Variants in MYO16 observed in about 807,000 individuals in gnomAD.
MYO16 encodes the protein unconventional myosin-XVI.
In MYO16, 94 loss-of-function variants were observed where a neutral mutation model predicts 205.3. That is an observed-to-expected ratio of 0.46 (90% CI 0.39 to 0.54). The LOEUF is 0.54. Ranked by LOEUF, MYO16 falls within the 20% of genes least tolerant of loss-of-function variation. The pLI is 0.00. For missense variants in MYO16, 2,315 were observed against 2,387.5 expected (o/e 0.97, Z 0.63); for synonymous variants, 988 against 954.0 (o/e 1.04, Z -0.66).
At position 108,811,180 on chromosome 13, in the gene MYO16, C is replaced by G. The variant is rs116139314; in HGVS notation, c.867+4376C>G. Among the ~76,000 whole-genome samples the G allele has an allele frequency of 4.5e-3, 678 of 152,192 alleles. 4 individuals carry two copies. Among genetic ancestry groups the G allele is most frequent in the African/African-American group, 0.016 (653 of 41,538 alleles). ...TCCCAAAGTATTTTGTATGACATAACTCATACATCTTAATGTTTAAAAACC... is the reference window on the plus strand; with the variant it reads ...TCCCAAAGTATTTTGTATGACATAAGTCATACATCTTAATGTTTAAAAACC... On this transcript the variant is annotated intron_variant, in intron 7 of 34. Coordinates refer to ENST00000457511, the MANE Select transcript of MYO16 (RefSeq NM_001198950.3).
At chr13:108,703,183 C>T (rs1231081742) in intron 2 of MYO16, among the ~76,000 whole-genome samples, 1 of 152,056 alleles carries the variant, frequency 6.6e-6, no homozygotes, top group African/African-American at 2.4e-5. Context: ...TAAGAGACAT[C>T]TATTGGATTC....
the MYO16 span, among the ~76,000 whole-genome samples, chr13:108,570,509 C>A: frequency 4.5e-4 from 68 of 152,316 alleles, no homozygotes; most frequent in East Asian, 0.013. Context: ...CTTTGCCTCT[C>A]AAAGTGCTGA....
intron 16 of MYO16, among the ~76,000 whole-genome samples, chr13:108,945,977 G>A (rs1882924283): frequency 6.6e-6 from 1 of 152,168 alleles, no homozygotes; most frequent in African/African-American, 2.4e-5. Flanking sequence ...CCAGACTTCT[G>A]AGCTGTGTAC....
chr13:108,593,011 A>G (rs2139287014), upstream of MYO16, among the ~76,000 whole-genome samples: 1 of 152,122 alleles, frequency 6.6e-6, no homozygotes, highest in Non-Finnish European at 1.5e-5. Flanking sequence ...ACGCCTCCCT[A>G]GTGTTCGTCC....
At chr13:108,810,565 T>A (rs182736144) in intron 7 of MYO16, among the ~76,000 whole-genome samples, 2 of 152,184 alleles carry the variant, frequency 1.3e-5, no homozygotes, top group African/African-American at 4.8e-5. Context: ...TTCTAAAAAA[T>A]TGTTCTCTCA....
chr13:109,174,310 T>G (rs922025756), intron 33 of MYO16, among the ~76,000 whole-genome samples: 1 of 152,114 alleles, frequency 6.6e-6, no homozygotes, highest in Non-Finnish European at 1.5e-5. Flanking sequence ...GGTTTGGAGT[T>G]TAGGCCAGGG....
rs191534062 is a variant in MYO16 at position 109,117,386 on chromosome 13, G to A, written c.3439-2984G>A. ...ATATGCAAATATATATAATATATGC[G>A]TGTGTATATATGTATATATATATGT... On this transcript the variant is annotated intron_variant, in intron 28 of 34. Coordinates refer to ENST00000457511, the MANE Select transcript of MYO16 (RefSeq NM_001198950.3). Among the ~76,000 whole-genome samples the A allele has an allele frequency of 3.4e-3, 495 of 147,048 alleles. 3 individuals are homozygous for A. The highest frequency in any genetic ancestry group is 3.9e-3 in the Non-Finnish European group (265 of 67,274).
At chr13:108,978,906 TCA>T (rs898006438) in intron 20 of MYO16, among the ~76,000 whole-genome samples, 2 of 151,998 alleles carry the variant, frequency 1.3e-5, no homozygotes, top group African/African-American at 2.4e-5. Context: ...CTTTTTTGAC[TCA>T]CATATATTTT....
At chr13:108,543,108 T>C in the MYO16 span, among the ~76,000 whole-genome samples, 13 of 152,230 alleles carry the variant, frequency 8.5e-5, no homozygotes, top group African/African-American at 2.9e-4. Context: ...ATATAACAAG[T>C]CTTTCGCTAA....
intron 22 of MYO16, among the ~76,000 whole-genome samples, chr13:109,011,902 T>G (rs552890573): frequency 1.1e-4 from 17 of 152,136 alleles, no homozygotes; most frequent in Non-Finnish European, 2.1e-4. Context: ...ATTAGCCAAA[T>G]AAATAACATT....
At chr13:109,188,695 C>T (rs1387235500) in intron 34 of MYO16, among the ~76,000 whole-genome samples, 4 of 152,166 alleles carry the variant, frequency 2.6e-5, no homozygotes, top group Non-Finnish European at 5.9e-5. Context: ...GGGAAGCCAA[C>T]AGTGCAGTCT....
intron 16 of MYO16, among the ~76,000 whole-genome samples, chr13:108,928,062 T>C (rs916024176): frequency 6.6e-6 from 1 of 152,236 alleles, no homozygotes; most frequent in Non-Finnish European, 1.5e-5. Flanking sequence ...TTGCTCTGCG[T>C]TTCACAGTCA....
chr13:108,510,338 C>T, the MYO16 span, among the ~76,000 whole-genome samples: 2 of 150,768 alleles, frequency 1.3e-5, no homozygotes. Flanking sequence ...AGGATGGTCT[C>T]GATCTCCTGA....
rs1211197360 is a variant in MYO16 at position 108,722,506 on chromosome 13, A to G, written c.364-4934A>G. Among the ~76,000 whole-genome samples the G allele has an allele frequency of 3.3e-5, 5 of 152,188 alleles. No homozygotes were observed. The South Asian group carries it at 1.0e-3, about 32-fold the overall frequency. ...ATTATATCACTTGAGAGGGGCTGAT[A>G]TCACTTTCAACACTGGATCTAATTA... On this transcript the variant is annotated intron_variant, in intron 3 of 34. Coordinates refer to ENST00000457511, the MANE Select transcript of MYO16 (RefSeq NM_001198950.3).
Position 109,164,991 on chromosome 13 carries a change from A to G in MYO16, c.5255A>G (p.His1752Arg). The change falls in exon 33 of 35, where the codon CAT becomes CGT. Residue 1752 changes from histidine (H) to arginine (R), a missense_variant. Transcript: ENST00000457511. The stretch of plus-strand genomic sequence containing the variant: ...ACTCAAGACAGAAATGCAAATAACC[A>G]TGGAATTCAGTTATCTAATTCACTA... ...SETQDRNANN[H>R]GIQLSNSLSS... 2 of 1,606,562 alleles carry G rather than the reference A, an allele frequency of 1.2e-6. No homozygotes were observed. Among genetic ancestry groups the G allele is most frequent in the Non-Finnish European group, 1.7e-6 (2 of 1,175,738 alleles).
intron 16 of MYO16, among the ~76,000 whole-genome samples, chr13:108,925,923 G>A (rs1881978310): frequency 6.6e-6 from 1 of 152,158 alleles, no homozygotes; most frequent in Non-Finnish European, 1.5e-5. Context: ...GGCTTCCAGT[G>A]TTTCCCTTGG....
At chr13:108,694,853 C>G (rs1883029005) in intron 2 of MYO16, among the ~76,000 whole-genome samples, 1 of 152,156 alleles carries the variant, frequency 6.6e-6, no homozygotes, top group Non-Finnish European at 1.5e-5. Flanking sequence ...TGGCTTACAC[C>G]TATAATCCCA....
chr13:108,935,844 G>A (rs1460814392), intron 16 of MYO16, among the ~76,000 whole-genome samples: 2 of 151,522 alleles, frequency 1.3e-5, no homozygotes, highest in Non-Finnish European at 2.9e-5. Context: ...ATGAAGGGAT[G>A]TTGGATTTTA....
Position 109,140,339 on chromosome 13 carries a change from GC to G in MYO16, c.4131del (p.Asn1378ThrfsTer32). ...ATTCCTCCTCGAAAGCCCAAGCGCA[GC>G]CCCAACACCAAGCTCAGCGGCTCCT... is the stretch of plus-strand genomic sequence containing the variant. Reference protein sequence around the residue: ...KKIPPRKPKRSPNTKLSGSYE... With the variant: ...KKIPPRKPKRXPNTKLSGSYE... On this transcript the variant is annotated frameshift_variant, in exon 32 of 35. Coordinates refer to ENST00000457511, the MANE Select transcript of MYO16 (RefSeq NM_001198950.3). LOFTEE classifies it high-confidence loss of function. The surrounding 1 kb of genome is among the most constrained non-coding windows in gnomAD (Gnocchi z 8.0). 6.2e-7 allele frequency: 1 copy of G among 1,603,312 alleles called. No homozygotes were observed.
Sources: gnomAD v4.1 joint callset for allele counts (sites outside exome capture counted in the v4.1 genomes callset) on GRCh38, gnomAD v4.1.1 for gene constraint, Gnocchi (gnomAD v3.1) non-coding constraint, MANE v1.5 for transcripts, NCBI Gene and HGNC (gene_info 2026-07-23, HGNC 2026-07-21) for gene names.